The following CCNE2 variants were observed in gnomAD, a reference collection of about 807,000 sequenced individuals.
CCNE2 encodes the protein cyclin E2.
Under a neutral mutation model 56.8 loss-of-function variants are expected in CCNE2, and 18 were observed. That is an observed-to-expected ratio of 0.32 (90% CI 0.22 to 0.47). CCNE2 has a LOEUF of 0.47. Among genes scored for constraint, CCNE2 ranks in the 20% least tolerant of loss-of-function variants. The pLI, the probability that CCNE2 is intolerant of heterozygous loss-of-function variation, is 1.00. For missense variants in CCNE2, 371 were observed against 467.1 expected (o/e 0.79, Z 1.90); for synonymous variants, 139 against 149.2 (o/e 0.93, Z 0.50).
At chr8:94,889,193 A>G (rs985258960) in intron 6 of CCNE2, among the ~76,000 whole-genome samples, 1 of 152,030 alleles carries the variant, frequency 6.6e-6, no homozygotes, top group African/African-American at 2.4e-5. Flanking sequence ...TGTCTTTTGC[A>G]TCTATTGAGA....
At chr8:94,891,790 C>A in intron 5 of CCNE2, 9 of 1,499,376 alleles carry the variant, frequency 6.0e-6, no homozygotes, top group Non-Finnish European at 7.3e-6. Flanking sequence ...GGACTGGACA[C>A]AAGGTTGGTG....
chr8:94,887,875 T>TA (rs984454289), intron 7 of CCNE2, 52 bp downstream of exon 7: 50 of 1,299,688 alleles, frequency 3.8e-5, no homozygotes, highest in South Asian at 1.2e-4. Flanking sequence ...TATGTTGATT[T>TA]AAAAAAAAGT....
chr8:94,882,027 T>A (rs28399584), intron 11 of CCNE2, 105 bp downstream of exon 11: 39,609 of 1,170,520 alleles, frequency 0.034, 809 homozygotes, highest in South Asian at 0.038. Context: ...CCTTAGAACT[T>A]TCTTTCCCCT....
At chr8:94,895,330 C>A, upstream of CCNE2, 1 of 892,124 alleles carries the variant, frequency 1.1e-6, no homozygotes, top group South Asian at 5.1e-5. Flanking sequence ...CCGCGCGCCG[C>A]GCCCTGCTCT....
chr8:94,882,594 A>T (rs1264004765), intron 10 of CCNE2, among the ~76,000 whole-genome samples, 187 bp downstream of exon 10: 1 of 152,222 alleles, frequency 6.6e-6, no homozygotes, highest in Non-Finnish European at 1.5e-5. Context: ...TTTAAATTCC[A>T]TTTGGTCTTT....
chr8:94,893,957 A>G lies in CCNE2; in HGVS notation c.112-13T>C. 1 of 1,614,054 alleles carries G rather than the reference A, an allele frequency of 6.2e-7. No homozygotes were observed. The highest frequency in any genetic ancestry group is 8.5e-7 in the Non-Finnish European group (1 of 1,179,980). The stretch of plus-strand genomic sequence containing the variant: ...TTTTTTTGACATCCTGGAAAATAGA[A>G]AAGACCATTGGTAAACTAAAGTCCC... On this transcript the variant is annotated splice_polypyrimidine_tract_variant and intron_variant, in intron 3 of 11. Coordinates refer to ENST00000308108, the MANE Select transcript of CCNE2 (RefSeq NM_057749.3).
rs2131090851 is a variant in CCNE2, at chr8:94,880,720, T to G, written c.*912A>C. On this transcript the variant is annotated 3_prime_UTR_variant, in exon 12 of 12. Coordinates refer to ENST00000308108, the MANE Select transcript of CCNE2 (RefSeq NM_057749.3). ...ACAATGGAGGAATTTAGAAAGGACC[T>G]TAACAGTTTCACAAACATAAATAAA... 2 of 396,288 alleles carry G rather than the reference T, an allele frequency of 5.0e-6. No homozygotes were observed. The highest frequency in any genetic ancestry group is 4.1e-5 in the African/African-American group (2 of 48,678). The allele number at this position is 396,288 out of a possible 1,614,324, so 24.5% of individuals were successfully genotyped here. A position where few individuals can be genotyped will look rare whatever the true frequency, so the allele number is the denominator to read the frequency against.
At chr8:94,894,382 C>T in intron 1 of CCNE2, 135 bp from the exon 2 acceptor site, 1 of 760,258 alleles carries the variant, frequency 1.3e-6, no homozygotes. Flanking sequence ...CTGCCATCTT[C>T]TGTGCTATGT....
At position 94,881,427 on chromosome 8, in the gene CCNE2, C is replaced by T. The variant is rs1473220021; in HGVS notation, c.*205G>A. On this transcript the variant is annotated 3_prime_UTR_variant, in exon 12 of 12. Coordinates refer to ENST00000308108, the MANE Select transcript of CCNE2 (RefSeq NM_057749.3). ...AAGACATCTTTGTAAACAAGTCCTG[C>T]TGTTTCTTTAACAGCTAACATAGGA... 1.8e-6 allele frequency: 1 copy of T among 549,684 alleles called. No individual in the cohort carries two copies. The highest frequency in any genetic ancestry group is 3.0e-5 in the East Asian group (1 of 33,130). 34.1% of individuals were successfully genotyped at this position (549,684 alleles called of 1,614,324 possible).
At chr8:94,891,851 G>A (rs1817257352) in intron 5 of CCNE2, 5 of 1,524,924 alleles carry the variant, frequency 3.3e-6, no homozygotes, top group Non-Finnish European at 3.6e-6. Flanking sequence ...AATGCAGAGA[G>A]TAATGCTGAA....
Position 94,880,691 on chromosome 8 carries a change from T to C in CCNE2, c.*941A>G, listed in dbSNP as rs1816774880. 2.5e-6 allele frequency: 1 copy of C among 394,806 alleles called. No individual in the cohort carries two copies. The highest frequency in any genetic ancestry group is 2.1e-5 in the African/African-American group (1 of 48,508). 24.5% of individuals were successfully genotyped at this position (394,806 alleles called of 1,614,324 possible). ...CTTTATCACTTTGACACTGTCCTTA[T>C]CTCACAATGGAGGAATTTAGAAAGG... is the stretch of plus-strand genomic sequence containing the variant. On this transcript the variant is annotated 3_prime_UTR_variant, in exon 12 of 12. Transcript: ENST00000308108.
At chr8:94,884,388 T>C (rs1461755271) in intron 9 of CCNE2, among the ~76,000 whole-genome samples, 3 of 151,330 alleles carry the variant, frequency 2.0e-5, no homozygotes, top group Admixed American at 2.0e-4. Flanking sequence ...GCTCTGTTGC[T>C]CAGGCTGGAG....
chr8:94,894,307 C>T (rs1021308649), intron 1 of CCNE2, 60 bp from the exon 2 acceptor site: 1 of 1,556,636 alleles, frequency 6.4e-7, no homozygotes, highest in Non-Finnish European at 8.8e-7. Context: ...TCTCCAAGTG[C>T]CAGTAAGACG....
intron 7 of CCNE2, among the ~76,000 whole-genome samples, chr8:94,886,557 C>G (rs1817048984): frequency 6.6e-6 from 1 of 150,686 alleles, no homozygotes; most frequent in Non-Finnish European, 1.5e-5. Flanking sequence ...AAAAAATAGC[C>G]AGGCATGGTG....
chr8:94,883,477 A>G (rs970022544), intron 9 of CCNE2, among the ~76,000 whole-genome samples: 6 of 152,212 alleles, frequency 3.9e-5, no homozygotes, highest in East Asian at 1.9e-4. Flanking sequence ...GTATAGGGAC[A>G]TTACTTGGAA....
At chr8:94,889,380 A>G (rs779864789) in intron 6 of CCNE2, among the ~76,000 whole-genome samples, 14 of 152,220 alleles carry the variant, frequency 9.2e-5, no homozygotes, top group Admixed American at 2.0e-4. Context: ...ACAGGAACAA[A>G]TTGAATTGGA....
chr8:94,880,295 A>AC lies in CCNE2; in HGVS notation c.*1336_*1337insG. Reference sequence around the variant, plus strand: ...ATGGGCTAAAAATAAACAGTATTAAAAGGTTAAGTTTATATAATACATATG... The same window carrying AC: ...ATGGGCTAAAAATAAACAGTATTAAACAGGTTAAGTTTATATAATACATATG... On this transcript the variant is annotated 3_prime_UTR_variant, in exon 12 of 12. Coordinates refer to ENST00000308108, the MANE Select transcript of CCNE2 (RefSeq NM_057749.3). 1 of 880,278 alleles carries AC rather than the reference A, an allele frequency of 1.1e-6. No homozygotes were observed. Among genetic ancestry groups the AC allele is most frequent in the Non-Finnish European group, 1.8e-6 (1 of 554,848 alleles). 54.5% of individuals were successfully genotyped at this position (880,278 alleles called of 1,614,324 possible). A position where few individuals can be genotyped will look rare whatever the true frequency, so the allele number is the denominator to read the frequency against.
intron 6 of CCNE2, among the ~76,000 whole-genome samples, chr8:94,888,402 G>A (rs1017564180): frequency 3.3e-5 from 5 of 152,054 alleles, no homozygotes; most frequent in Non-Finnish European, 7.4e-5. Context: ...TTGCCCTGAT[G>A]TTTCACTATT....
chr8:94,885,166 GA>G lies in CCNE2; in HGVS notation c.731del (p.Ile244ThrfsTer4). On this transcript the variant is annotated frameshift_variant, in exon 9 of 12. Coordinates refer to ENST00000308108, the MANE Select transcript of CCNE2 (RefSeq NM_057749.3). LOFTEE classifies it high-confidence loss of function. ...LKWELCPVTI[I>X]SWLNLFLQVD... ...CTTGGAGAAAGAGATTTAGCCAGGA[GA>G]TGATTGTTACAGGACAAAGTTCCCA... 6.2e-7 allele frequency: 1 copy of G among 1,613,674 alleles called. No individual in the cohort carries two copies. The highest frequency in any genetic ancestry group is 8.5e-7 in the Non-Finnish European group (1 of 1,179,722).
Sources: allele counts gnomAD v4.1 joint callset (sites outside exome capture counted in the v4.1 genomes callset), GRCh38; gene constraint gnomAD v4.1.1; transcripts MANE v1.5; gene names NCBI Gene and HGNC (gene_info 2026-07-23, HGNC 2026-07-21).